The following TBC1D22A variants were observed in gnomAD, a reference collection of about 807,000 sequenced individuals.
The protein encoded by TBC1D22A is TBC1 domain family member 22A.
TBC1D22A carries 38 observed loss-of-function variants against 60.2 expected under a neutral mutation model. That is an observed-to-expected ratio of 0.63 (90% confidence interval 0.49 to 0.83). The LOEUF (loss-of-function observed/expected upper bound fraction) is 0.83, where lower values mean the gene tolerates loss of function less well. Ranked by LOEUF, TBC1D22A falls within the 40% of genes least tolerant of loss-of-function variation. The pLI is 0.00. For synonymous variants in TBC1D22A, 302 were observed against 281.7 expected, an observed-to-expected ratio of 1.07 and a Z score of -0.72; for missense variants, 628 against 701.0, an observed-to-expected ratio of 0.90 and a Z score of 1.18.
intron 2 of TBC1D22A, among the ~76,000 whole-genome samples, chr22:46,793,089 G>GAA (rs1291853136): frequency 2.6e-5 from 4 of 152,260 alleles, no homozygotes; most frequent in Non-Finnish European, 5.9e-5. Context: ...GGGGAATCTT[G>GAA]TTTAAATGAT....
chr22:46,860,934 C>T lies in TBC1D22A; in HGVS notation c.638-17719C>T, dbSNP rs11913746. On this transcript the variant is annotated intron_variant, in intron 4 of 12. Transcript: ENST00000337137. Reference sequence around the variant, plus strand: ...TCCTTTGGGGGAGGCTCTGCTCATTCTGAGAAGCTCTTTTGGCGAAGGCAT... The same window carrying T: ...TCCTTTGGGGGAGGCTCTGCTCATTTTGAGAAGCTCTTTTGGCGAAGGCAT... Among the ~76,000 whole-genome samples, 474 of 152,300 alleles carry T rather than the reference C, an allele frequency of 3.1e-3. 2 individuals carry two copies. The highest frequency in any genetic ancestry group is 0.011 in the African/African-American group (447 of 41,556).
intron 8 of TBC1D22A, among the ~76,000 whole-genome samples, chr22:46,930,079 G>A (rs970991344): frequency 2.0e-5 from 3 of 151,996 alleles, no homozygotes; most frequent in Non-Finnish European, 2.9e-5. Context: ...CCTGTATATT[G>A]TCATAAGCTC....
intron 4 of TBC1D22A, among the ~76,000 whole-genome samples, chr22:46,854,564 T>C (rs565663732): frequency 1.3e-5 from 2 of 152,010 alleles, no homozygotes; most frequent in African/African-American, 4.8e-5. Context: ...TGTTTCCGGA[T>C]GTTCTCGCGC....
intron 8 of TBC1D22A, among the ~76,000 whole-genome samples, chr22:46,916,300 A>G (rs1940580426): frequency 6.6e-6 from 1 of 152,056 alleles, no homozygotes; most frequent in African/African-American, 2.4e-5. Flanking sequence ...GTAGTGGGGG[A>G]GCAATGCTCA....
intron 4 of TBC1D22A, among the ~76,000 whole-genome samples, chr22:46,811,077 GGCAGCAGACTGGC>G (rs1323826413): frequency 2.0e-5 from 3 of 152,208 alleles, no homozygotes; most frequent in Non-Finnish European, 4.4e-5. Context: ...CTGGGTGCAG[GGCAGCAGACTGGC>G]CTCAGATTCC....
chr22:46,940,330 G>A (rs753429745), intron 8 of TBC1D22A, among the ~76,000 whole-genome samples: 1 of 152,050 alleles, frequency 6.6e-6, no homozygotes, highest in South Asian at 2.1e-4. Context: ...ATACAACAAC[G>A]TGCATGAGTA....
intron 7 of TBC1D22A, among the ~76,000 whole-genome samples, chr22:46,895,886 T>G (rs1841204749): frequency 6.6e-6 from 1 of 152,148 alleles, no homozygotes; most frequent in Admixed American, 6.5e-5. Flanking sequence ...TACAAAGGAG[T>G]ACAATTATTG....
chr22:46,808,185 C>T (rs547579771), intron 4 of TBC1D22A, among the ~76,000 whole-genome samples: 7 of 152,050 alleles, frequency 4.6e-5, no homozygotes, highest in Non-Finnish European at 1.0e-4. Context: ...TGGCAAAACC[C>T]CGTCTTTACT....
intron 1 of TBC1D22A, among the ~76,000 whole-genome samples, chr22:46,787,981 G>C (rs2084236416): frequency 6.8e-6 from 1 of 146,130 alleles, no homozygotes; most frequent in Non-Finnish European, 1.5e-5. Context: ...CTGTCACCCA[G>C]GTTGGAGTGC....
At chr22:47,078,991 T>C (rs946521308) in intron 11 of TBC1D22A, among the ~76,000 whole-genome samples, 56 of 151,862 alleles carry the variant, frequency 3.7e-4, no homozygotes, top group African/African-American at 1.2e-3. Context: ...TTGCCCTCTC[T>C]AAACACCCTG....
intron 9 of TBC1D22A, among the ~76,000 whole-genome samples, chr22:46,984,456 C>G (rs2074645519): frequency 8.4e-6 from 1 of 119,690 alleles, no homozygotes; most frequent in African/African-American, 3.0e-5. Flanking sequence ...GGGGATTATT[C>G]TTGCACTTTT....
intron 10 of TBC1D22A, among the ~76,000 whole-genome samples, chr22:47,035,330 C>T (rs935501668): frequency 1.3e-5 from 2 of 152,148 alleles, no homozygotes; most frequent in African/African-American, 4.8e-5. Flanking sequence ...GTGTGGGTGC[C>T]TCTGGGTCCA....
chr22:46,950,021 T>A (rs1034503948), intron 8 of TBC1D22A, among the ~76,000 whole-genome samples: 2 of 152,184 alleles, frequency 1.3e-5, no homozygotes, highest in African/African-American at 4.8e-5. Context: ...AACATGGCCT[T>A]TTTTGAAAAG....
chr22:46,768,364 A>G (rs1349397018), intron 1 of TBC1D22A, among the ~76,000 whole-genome samples: 2 of 151,808 alleles, frequency 1.3e-5, no homozygotes. Context: ...AGGCGCCTGT[A>G]ATCCCAGCTG....
At chr22:47,060,345 G>A (rs1203701088) in intron 11 of TBC1D22A, among the ~76,000 whole-genome samples, 3 of 150,660 alleles carry the variant, frequency 2.0e-5, no homozygotes, top group South Asian at 2.1e-4. Context: ...GGGTTCAAGC[G>A]ATTCTTCTGC....
intron 10 of TBC1D22A, among the ~76,000 whole-genome samples, chr22:47,013,819 G>A (rs924544039): frequency 6.6e-6 from 1 of 152,170 alleles, no homozygotes; most frequent in Non-Finnish European, 1.5e-5. Context: ...AGTACCTTCT[G>A]GGTCAACCCT....
chr22:47,158,602 G>A (rs1044669705), intron 12 of TBC1D22A, among the ~76,000 whole-genome samples: 2 of 152,128 alleles, frequency 1.3e-5, no homozygotes, highest in Admixed American at 1.3e-4. Context: ...GTGGGAGGAG[G>A]GCCGGGAGCC....
chr22:46,861,034 C>A (rs1000084689), intron 4 of TBC1D22A, among the ~76,000 whole-genome samples: 2 of 152,116 alleles, frequency 1.3e-5, no homozygotes, highest in East Asian at 3.9e-4. Flanking sequence ...AATCTTGGCT[C>A]ACTGTCTCTG....
intron 12 of TBC1D22A, among the ~76,000 whole-genome samples, chr22:47,150,726 C>T (rs2067469666): frequency 6.6e-6 from 1 of 152,196 alleles, no homozygotes; most frequent in Admixed American, 6.5e-5. Context: ...TCTCCCCAGC[C>T]CCCTTCTGAG....
Sources: gnomAD v4.1 joint callset for allele counts (sites outside exome capture counted in the v4.1 genomes callset) on GRCh38, gnomAD v4.1.1 for gene constraint, MANE v1.5 for transcripts, NCBI Gene and HGNC (gene_info 2026-07-23, HGNC 2026-07-21) for gene names.